EYS: variants seen among roughly 807,000 people sequenced by gnomAD.
EYS encodes EGF-like photoreceptor maintenance factor, also known as protein eyes shut homolog.
Under a neutral mutation model 282.1 loss-of-function variants are expected in EYS, and 250 were observed. The ratio of observed to expected loss-of-function variants is 0.89; its 90% confidence interval spans 0.80 to 0.98. The LOEUF is 0.98. Ranked by LOEUF, EYS falls within the 50% of genes least tolerant of loss-of-function variation. The pLI is 0.00. For missense variants in EYS, 4,016 were observed against 3,709.0 expected, an observed-to-expected ratio of 1.08 and a Z score of -2.15; for synonymous variants, 1,355 against 1,282.9, an observed-to-expected ratio of 1.06 and a Z score of -1.20.
intron 15 of EYS, among the ~76,000 whole-genome samples, chr6:64,918,691 G>A (rs775849685): frequency 1.3e-5 from 2 of 151,760 alleles, no homozygotes; most frequent in Non-Finnish European, 2.9e-5. Context: ...GAGGCAGAGT[G>A]AGGAGTGAGG....
chr6:64,141,287 T>C (rs72876854), intron 31 of EYS, among the ~76,000 whole-genome samples: 8 of 152,328 alleles, frequency 5.3e-5, no homozygotes, highest in Non-Finnish European at 1.0e-4. Context: ...TTGGCATGGC[T>C]ATGTTGAATT....
chr6:65,592,160 GTTAAT>G (rs751797769), intron 2 of EYS, among the ~76,000 whole-genome samples: 138 of 151,704 alleles, frequency 9.1e-4, no homozygotes, highest in Non-Finnish European at 6.5e-4. Context: ...ACTTTTCATA[GTTAAT>G]TTAAAGTTTT....
At chr6:65,171,387 C>G (rs948022159) in intron 12 of EYS, among the ~76,000 whole-genome samples, 2 of 151,570 alleles carry the variant, frequency 1.3e-5, no homozygotes, top group African/African-American at 4.8e-5. Flanking sequence ...AATTGCTGAT[C>G]TTCTTCAGAG....
chr6:65,425,620 T>G (rs913642733), intron 5 of EYS, among the ~76,000 whole-genome samples: 3 of 152,282 alleles, frequency 2.0e-5, no homozygotes, highest in South Asian at 4.1e-4. Flanking sequence ...TTGGTTGGAT[T>G]TGACTTCTTC....
intron 13 of EYS, among the ~76,000 whole-genome samples, chr6:65,043,556 C>T (rs1773003925): frequency 6.6e-6 from 1 of 151,440 alleles, no homozygotes; most frequent in Non-Finnish European, 1.5e-5. Context: ...CTGCGCCCCT[C>T]CTCCAGTCTC....
intron 29 of EYS, among the ~76,000 whole-genome samples, chr6:64,333,211 A>C (rs1040256910): frequency 1.3e-5 from 2 of 152,116 alleles, no homozygotes; most frequent in South Asian, 4.1e-4. Flanking sequence ...TTGAAGTCCA[A>C]ATTGGTGAAC....
At chr6:65,577,816 A>G (rs1035703370) in intron 2 of EYS, among the ~76,000 whole-genome samples, 1 of 151,766 alleles carries the variant, frequency 6.6e-6, no homozygotes, top group Admixed American at 6.6e-5. Context: ...ACAAATGGCT[A>G]GTTGGTATGT....
At chr6:64,241,413 A>G (rs767503125) in intron 30 of EYS, among the ~76,000 whole-genome samples, 1 of 151,914 alleles carries the variant, frequency 6.6e-6, no homozygotes, top group African/African-American at 2.4e-5. Context: ...TTCTGTCTCA[A>G]TTTCCAATAT....
intron 22 of EYS, among the ~76,000 whole-genome samples, chr6:64,646,359 T>C (rs1035430188): frequency 3.3e-5 from 5 of 152,196 alleles, no homozygotes; most frequent in African/African-American, 1.2e-4. Context: ...TTCATTGGAT[T>C]CATTATGAAG....
At chr6:63,791,834 A>G (rs2149672307) in intron 37 of EYS, among the ~76,000 whole-genome samples, 1 of 152,306 alleles carries the variant, frequency 6.6e-6, no homozygotes, top group East Asian at 1.9e-4. Context: ...AGAGGTACAT[A>G]AGGAGGCTCA....
rs532619177 is a variant in EYS at position 65,673,994 on chromosome 6, A to T, written c.-448+33141T>A. On this transcript the variant is annotated intron_variant, in intron 1 of 42. Transcript: ENST00000503581. ...AAAACTAATAAAAATAAACACACAG[A>T]AATTTTGAAACTAAAGAATAAAATT... Among the ~76,000 whole-genome samples, 5 of 152,122 alleles carry T rather than the reference A, an allele frequency of 3.3e-5. No homozygotes were observed. In the East Asian group the frequency reaches 7.8e-4, roughly 24 times the overall value.
rs193130744 is a variant in EYS, at chr6:65,519,961, T to C, written c.-332-23968A>G. On this transcript the variant is annotated intron_variant, in intron 2 of 42. Transcript: ENST00000503581. ...AATCAATACTTTTCTAAACGATGTATGGATTTTCACTCTTTATAGATTAAT... is the reference window on the plus strand; with the variant it reads ...AATCAATACTTTTCTAAACGATGTACGGATTTTCACTCTTTATAGATTAAT... Among the ~76,000 whole-genome samples, 468 of 150,596 alleles carry C rather than the reference T, an allele frequency of 3.1e-3. 1 individual carries two copies. The highest frequency in any genetic ancestry group is 0.014 in the Middle Eastern group (4 of 288).
chr6:65,363,375 A>ATTATATT (rs1764787879), intron 8 of EYS, among the ~76,000 whole-genome samples: 1 of 151,972 alleles, frequency 6.6e-6, no homozygotes, highest in Admixed American at 6.6e-5. Context: ...CAATCAATTA[A>ATTATATT]GCAATTAAAT....
At chr6:65,656,446 G>C (rs764874539) in intron 1 of EYS, among the ~76,000 whole-genome samples, 2 of 151,846 alleles carry the variant, frequency 1.3e-5, no homozygotes, top group East Asian at 3.9e-4. Context: ...ACGTATGAAT[G>C]ATAAAAACAG....
rs1406985657 is a variant in EYS at position 64,822,733 on chromosome 6, A to T, written c.3082T>A (p.Cys1028Ser). ...VCIDGINHYTCDCKSGFFGTH... is the reference protein window; with the variant it reads ...VCIDGINHYTSDCKSGFFGTH... ...CCAAAAAACCCACTCTTGCAGTCAC[A>T]GGTATAATGATTGATGCCATCGATA... Residue 1028 changes from cysteine to serine, a missense_variant, in exon 20 of 43, where the codon TGT (cysteine) becomes AGT (serine). Physicochemically the swap from Cys to Ser is moderately radical, Grantham distance 112. Transcript: ENST00000503581. 8.4e-6 allele frequency: 13 copies of T among 1,549,866 alleles called. No individual in the cohort carries two copies. Among genetic ancestry groups the T allele is most frequent in the Admixed American group, 2.0e-5 (1 of 50,826 alleles).
intron 30 of EYS, among the ~76,000 whole-genome samples, chr6:64,231,397 T>C (rs545993336): frequency 1.3e-5 from 2 of 152,258 alleles, no homozygotes; most frequent in Admixed American, 6.5e-5. Flanking sequence ...TTCCTACTTT[T>C]ACATTCAAAA....
At chr6:63,919,818 T>C (rs1764519927) in intron 35 of EYS, among the ~76,000 whole-genome samples, 1 of 152,264 alleles carries the variant, frequency 6.6e-6, no homozygotes, top group South Asian at 2.1e-4. Flanking sequence ...TTTCACATAA[T>C]TTTTTGTGTG....
At chr6:64,923,879 C>T (rs1340182477) in intron 15 of EYS, among the ~76,000 whole-genome samples, 1 of 149,108 alleles carries the variant, frequency 6.7e-6, no homozygotes. Flanking sequence ...GTACAGCCCC[C>T]CTCCTGGCTG....
intron 2 of EYS, among the ~76,000 whole-genome samples, chr6:65,581,481 A>G (rs1722476648): frequency 6.6e-6 from 1 of 152,170 alleles, no homozygotes; most frequent in South Asian, 2.1e-4. Flanking sequence ...TGGTCAAAGT[A>G]AAATTTTTGC....
Sources: gnomAD v4.1 joint callset for allele counts (sites outside exome capture counted in the v4.1 genomes callset) on GRCh38, gnomAD v4.1.1 for gene constraint, MANE v1.5 for transcripts, NCBI Gene and HGNC (gene_info 2026-07-23, HGNC 2026-07-21) for gene names.